Variants in PHLPP1 observed in about 807,000 individuals in gnomAD.
PHLPP1 encodes the protein PH domain and leucine rich repeat protein phosphatase 1.
In PHLPP1, 42 loss-of-function variants were observed where a neutral mutation model predicts 117.2. The observed-to-expected ratio is 0.36, with a 90% CI of 0.28 to 0.46. The LOEUF is 0.46. Ranked by LOEUF, PHLPP1 falls within the 20% of genes least tolerant of loss-of-function variation. The probability of loss-of-function intolerance (pLI) is 1.00; values close to 1 mark genes in which losing one functional copy is unlikely to be tolerated. For synonymous variants in PHLPP1, 1,042 were observed against 970.7 expected (o/e 1.07, Z -1.37); for missense variants, 2,084 against 2,241.9 (o/e 0.93, Z 1.42).
intron 6 of PHLPP1, among the ~76,000 whole-genome samples, chr18:62,901,083 AT>A (rs1223466253): frequency 6.6e-6 from 1 of 152,066 alleles, no homozygotes; most frequent in Non-Finnish European, 1.5e-5. Context: ...TTTGTTATAG[AT>A]TTTTTTGTCT....
intron 10 of PHLPP1, among the ~76,000 whole-genome samples, chr18:62,921,604 A>G (rs937977256): frequency 3.3e-5 from 5 of 152,192 alleles, no homozygotes; most frequent in Admixed American, 2.6e-4. Flanking sequence ...AACATCTTAC[A>G]CTGTGTCTGG....
chr18:62,829,535 T>C (rs1914698842), intron 1 of PHLPP1, among the ~76,000 whole-genome samples: 1 of 152,180 alleles, frequency 6.6e-6, no homozygotes, highest in African/African-American at 2.4e-5. Context: ...GCGGATCACC[T>C]GAGGTCGGGA....
intron 4 of PHLPP1, among the ~76,000 whole-genome samples, chr18:62,878,263 C>CA (rs1185426313): frequency 3.3e-5 from 5 of 152,192 alleles, no homozygotes; most frequent in Admixed American, 1.3e-4. Flanking sequence ...GGTGAAGTGT[C>CA]ATCATAACTT....
chr18:62,961,502 C>T (rs1246211665), intron 13 of PHLPP1, among the ~76,000 whole-genome samples: 2 of 151,790 alleles, frequency 1.3e-5, no homozygotes, highest in African/African-American at 4.8e-5. Context: ...TCTCTGAAGA[C>T]TTTGTGTTCT....
intron 6 of PHLPP1, among the ~76,000 whole-genome samples, chr18:62,900,590 C>T (rs1194408535): frequency 6.6e-6 from 1 of 151,572 alleles, no homozygotes; most frequent in African/African-American, 2.4e-5. Context: ...CCCAGCCTCT[C>T]AAATAGCTGG....
chr18:62,781,743 A>G (rs540347227), intron 1 of PHLPP1, among the ~76,000 whole-genome samples: 1 of 152,260 alleles, frequency 6.6e-6, no homozygotes, highest in Non-Finnish European at 1.5e-5. Context: ...TTTAAGCTCC[A>G]GTTTTAATGC....
At chr18:62,960,584 A>G (rs1219916103) in intron 13 of PHLPP1, among the ~76,000 whole-genome samples, 1 of 152,256 alleles carries the variant, frequency 6.6e-6, no homozygotes, top group Non-Finnish European at 1.5e-5. Context: ...AACCAAGGAC[A>G]TTAACATTTA....
In PHLPP1 at chr18:62,766,073, AAAAATATATATAT is replaced by A. The variant is rs1233662554; in HGVS notation, c.1576+48816_1576+48828del. 1.4e-4 allele frequency among the ~76,000 whole-genome samples: 8 copies of A among 55,392 alleles called. 2 individuals carry two copies. The East Asian group carries it at 1.9e-3, about 13-fold the overall frequency. 36.3% of individuals were successfully genotyped at this position (55,392 alleles called of 152,430 possible). ...TAGACTCCATCTCAAAAAAAAAAAA[AAAAATATATATAT>A]ATATATATATATATATAAAATATAT... On this transcript the variant is annotated intron_variant, in intron 1 of 16. Coordinates refer to ENST00000262719, the MANE Select transcript of PHLPP1 (RefSeq NM_194449.4).
intron 8 of PHLPP1, among the ~76,000 whole-genome samples, chr18:62,913,878 G>A (rs1209610954): frequency 6.6e-6 from 1 of 151,546 alleles, no homozygotes; most frequent in East Asian, 1.9e-4. Flanking sequence ...TGAGTAGCTG[G>A]GATTATAGCC....
At chr18:62,902,764 A>G (rs1037796500) in intron 6 of PHLPP1, among the ~76,000 whole-genome samples, 200 bp from the exon 7 acceptor site, 2 of 152,196 alleles carry the variant, frequency 1.3e-5, no homozygotes, top group African/African-American at 4.8e-5. Context: ...TATATTGTGA[A>G]GGTTAAAACC....
intron 1 of PHLPP1, among the ~76,000 whole-genome samples, chr18:62,719,433 C>G (rs1737327106): frequency 6.6e-6 from 1 of 152,138 alleles, no homozygotes; most frequent in Non-Finnish European, 1.5e-5. Flanking sequence ...TATTGATGAA[C>G]AAAAGCGTAG....
At chr18:62,921,300 C>G (rs1384371196) in intron 10 of PHLPP1, among the ~76,000 whole-genome samples, 7 of 152,148 alleles carry the variant, frequency 4.6e-5, no homozygotes, top group Admixed American at 3.9e-4. Flanking sequence ...AATTTTGCTT[C>G]TAGAAGTGCA....
At chr18:62,858,276 T>G (rs917283195) in intron 3 of PHLPP1, among the ~76,000 whole-genome samples, 2 of 151,698 alleles carry the variant, frequency 1.3e-5, no homozygotes, top group East Asian at 3.9e-4. Flanking sequence ...TTTTTTTTTT[T>G]TTTTGAGACA....
chr18:62,895,008 T>A lies in PHLPP1; in HGVS notation c.2067-3T>A. On this transcript the variant is annotated splice_region_variant and splice_polypyrimidine_tract_variant and intron_variant, in intron 4 of 16. Transcript: ENST00000262719. ...TCCCTTTTGTTTTGCTTTATTGTAATAGGTTCACCAAGTTGAAGAGTCTTA... is the reference window on the plus strand; with the variant it reads ...TCCCTTTTGTTTTGCTTTATTGTAAAAGGTTCACCAAGTTGAAGAGTCTTA... 6.3e-7 allele frequency: 1 copy of A among 1,598,652 alleles called. No individual in the cohort carries two copies. Among genetic ancestry groups the A allele is most frequent in the South Asian group, 1.1e-5 (1 of 89,374 alleles).
intron 1 of PHLPP1, among the ~76,000 whole-genome samples, chr18:62,805,979 A>G (rs968354758): frequency 6.6e-6 from 1 of 152,114 alleles, no homozygotes; most frequent in Non-Finnish European, 1.5e-5. Context: ...AATGACTTTA[A>G]AAGTTCTCTT....
At chr18:62,765,823 G>C (rs369356366) in intron 1 of PHLPP1, among the ~76,000 whole-genome samples, 1 of 151,502 alleles carries the variant, frequency 6.6e-6, no homozygotes, top group South Asian at 2.1e-4. Context: ...GTGAAACCCC[G>C]TCTGTACTAA....
At chr18:62,729,809 CT>C (rs1454051639) in intron 1 of PHLPP1, among the ~76,000 whole-genome samples, 1 of 152,218 alleles carries the variant, frequency 6.6e-6, no homozygotes, top group Non-Finnish European at 1.5e-5. Context: ...AAGAATTGAA[CT>C]GCTTCAGCAC....
intron 1 of PHLPP1, among the ~76,000 whole-genome samples, chr18:62,791,658 A>G (rs1046635399): frequency 5.9e-5 from 9 of 152,354 alleles, no homozygotes; most frequent in African/African-American, 2.2e-4. Flanking sequence ...AGCATCATGA[A>G]ATGCGTTAGG....
rs932530193 is a variant in PHLPP1, at chr18:62,941,716, A to G, written c.2961-2A>G. The stretch of plus-strand genomic sequence containing the variant: ...GCATTTTGTTGCGTTTTGTCATTGT[A>G]GCCTGAGATTCCTGAACGCCTCTGC... On this transcript the variant is annotated splice_acceptor_variant, in intron 10 of 16. Coordinates refer to ENST00000262719, the MANE Select transcript of PHLPP1 (RefSeq NM_194449.4). LOFTEE classifies it high-confidence loss of function. 6.2e-7 allele frequency: 1 copy of G among 1,609,880 alleles called. No homozygotes were observed. The highest frequency in any genetic ancestry group is 1.3e-5 in the African/African-American group (1 of 74,858).
Sources: gnomAD v4.1 joint callset for allele counts (sites outside exome capture counted in the v4.1 genomes callset) on GRCh38, gnomAD v4.1.1 for gene constraint, MANE v1.5 for transcripts, NCBI Gene and HGNC (gene_info 2026-07-23, HGNC 2026-07-21) for gene names.